Variants in ART3 observed in about 807,000 individuals in gnomAD.
ART3 encodes the protein ADP-ribosyltransferase 3 (inactive).
Under a neutral mutation model 48.5 loss-of-function variants are expected in ART3, and 49 were observed. The ratio of observed to expected loss-of-function variants is 1.01; its 90% CI spans 0.80 to 1.28. ART3 has a LOEUF of 1.28. Among genes scored for constraint, ART3 ranks in the 50% most tolerant of loss-of-function variants. The pLI is 0.00. For missense variants in ART3, 438 were observed against 454.3 expected (o/e 0.96, Z 0.33); for synonymous variants, 145 against 157.2 (o/e 0.92, Z 0.58).
intron 1 of ART3, among the ~76,000 whole-genome samples, chr4:76,025,590 C>A (rs555132817): frequency 7.2e-5 from 11 of 152,246 alleles, no homozygotes; most frequent in African/African-American, 2.6e-4. Context: ...AGCCACTCTT[C>A]TATTTTTTTC....
intron 2 of ART3, among the ~76,000 whole-genome samples, chr4:76,076,487 C>T (rs1721108967): frequency 6.6e-6 from 1 of 152,120 alleles, no homozygotes; most frequent in South Asian, 2.1e-4. Flanking sequence ...AAAGATTATT[C>T]ATAATTCCTC....
rs138896585 is a variant in ART3, at chr4:76,058,373, T to C, written c.-9-17508T>C. ...AATTGCTTGAGTTTGGTCTGATTAG[T>C]GTACCTAATGTAGAGACTGAGCTTC... On this transcript the variant is annotated intron_variant, in intron 1 of 9. Transcript: ENST00000341029. Among the ~76,000 whole-genome samples the C allele has an allele frequency of 1.7e-3, 252 of 152,320 alleles. 2 individuals carry two copies. Among genetic ancestry groups the C allele is most frequent in the Middle Eastern group, 0.01 (3 of 294 alleles).
chr4:76,022,253 G>T, intron 1 of ART3: 1 of 854,286 alleles, frequency 1.2e-6, no homozygotes, highest in Non-Finnish European at 2.0e-6. Flanking sequence ...GGGCGTGGTG[G>T]TAACATACTT....
intron 1 of ART3, among the ~76,000 whole-genome samples, chr4:76,057,685 A>G (rs1351696165): frequency 6.6e-6 from 1 of 152,214 alleles, no homozygotes; most frequent in East Asian, 1.9e-4. Flanking sequence ...AAGCATGTCC[A>G]GTGTCACATG....
intron 1 of ART3, among the ~76,000 whole-genome samples, chr4:76,032,071 A>T (rs568515125): frequency 1.3e-5 from 2 of 152,310 alleles, no homozygotes; most frequent in South Asian, 2.1e-4. Context: ...TCTTGGCTCA[A>T]ATATGTTAAT....
At chr4:76,035,433 C>A in intron 1 of ART3, 1 of 1,324,696 alleles carries the variant, frequency 7.5e-7, no homozygotes, top group Non-Finnish European at 1.0e-6. Context: ...GCAGAATTTT[C>A]ATTAAGGGTA....
rs143563196 is a variant in ART3, at chr4:76,022,573, T to C, written c.-10+11253T>C. 17 of 1,474,950 alleles carry C rather than the reference T, an allele frequency of 1.2e-5. No homozygotes were observed. In the African/African-American group the frequency reaches 1.7e-4, roughly 15 times the overall value. 91.4% of individuals were successfully genotyped at this position (1,474,950 alleles called of 1,614,324 possible). A position where few individuals can be genotyped will look rare whatever the true frequency, so the allele number is the denominator to read the frequency against. On this transcript the variant is annotated intron_variant, in intron 1 of 9. Transcript: ENST00000341029. ...TCACTCTGCATGTTTTTGTTTGCTG[T>C]ACATTAGTTTTAGAATCATCACAAA...
At chr4:76,086,012 C>T (rs1187785799) in intron 3 of ART3, among the ~76,000 whole-genome samples, 3 of 151,934 alleles carry the variant, frequency 2.0e-5, no homozygotes, top group African/African-American at 7.3e-5. Flanking sequence ...GAGGAGGTTG[C>T]AGTGAGCTGA....
At chr4:76,022,191 T>C (rs971331557) in intron 1 of ART3, among the ~76,000 whole-genome samples, 5 of 152,200 alleles carry the variant, frequency 3.3e-5, no homozygotes, top group African/African-American at 1.2e-4. Flanking sequence ...TAACTTCTGA[T>C]ACTTATCACA....
intron 2 of ART3, among the ~76,000 whole-genome samples, chr4:76,080,076 C>T (rs1054585684): frequency 6.6e-6 from 1 of 152,088 alleles, no homozygotes; most frequent in Non-Finnish European, 1.5e-5. Flanking sequence ...TGCAACTATG[C>T]ACCATACAAG....
intron 1 of ART3, among the ~76,000 whole-genome samples, chr4:76,014,254 G>C (rs1405863518): frequency 6.6e-6 from 1 of 151,990 alleles, no homozygotes; most frequent in East Asian, 1.9e-4. Flanking sequence ...TATTAAATCA[G>C]CTGTCTTAAA....
At chr4:76,049,625 C>A (rs548019560) in intron 1 of ART3, among the ~76,000 whole-genome samples, 1 of 121,092 alleles carries the variant, frequency 8.3e-6, no homozygotes, top group Admixed American at 9.6e-5. Context: ...CCGACAGGTG[C>A]CCGGTATTTA....
At chr4:76,028,844 G>A (rs4859414) in intron 1 of ART3, among the ~76,000 whole-genome samples, 93,002 of 152,046 alleles carry the variant, frequency 0.61, 29,519 homozygotes, top group East Asian at 0.94. Flanking sequence ...GGCATTGGAG[G>A]AGGCAGAGGC....
intron 1 of ART3, among the ~76,000 whole-genome samples, chr4:76,040,412 T>C (rs979720012): frequency 2.0e-5 from 3 of 147,094 alleles, no homozygotes; most frequent in Non-Finnish European, 4.5e-5. Flanking sequence ...TTCTTCCCTC[T>C]GGATGGATAC....
intron 3 of ART3, among the ~76,000 whole-genome samples, chr4:76,092,038 A>G (rs4859614): frequency 0.27 from 41,764 of 152,040 alleles, 6,831 homozygotes; most frequent in East Asian, 0.71. Context: ...AATAAACCTC[A>G]AAACCAGGTA....
At chr4:76,073,435 T>C (rs904708893), upstream of ART3, among the ~76,000 whole-genome samples, 5 of 152,352 alleles carry the variant, frequency 3.3e-5, no homozygotes, top group African/African-American at 1.2e-4. Context: ...TGCTGTGTAT[T>C]TAATCTTGGA....
intron 6 of ART3, 152 bp from the exon 7 acceptor site, chr4:76,100,643 A>AG: frequency 1.0e-6 from 1 of 960,278 alleles, no homozygotes; most frequent in Admixed American, 2.6e-5. Context: ...AAAAAAAAAA[A>AG]AAAAATTCTG....
intron 1 of ART3, among the ~76,000 whole-genome samples, chr4:76,033,411 C>A (rs1199878641): frequency 6.6e-6 from 1 of 152,062 alleles, no homozygotes; most frequent in Non-Finnish European, 1.5e-5. Context: ...ATGGCTGAGT[C>A]CTTGTTGTGG....
At position 76,097,631 on chromosome 4, in the gene ART3, C is replaced by G; in HGVS notation, c.782-13C>G. 6.2e-7 allele frequency: 1 copy of G among 1,601,420 alleles called. No individual in the cohort carries two copies. Among genetic ancestry groups the G allele is most frequent in the African/African-American group, 1.3e-5 (1 of 74,750 alleles). On this transcript the variant is annotated splice_polypyrimidine_tract_variant and intron_variant, in intron 3 of 11. Transcript: ENST00000355810. ...TTATGTCTAACTAATAAAGCTTTAT[C>G]TTTGTGTTTCAGGACTAAAAACCGA...
Sources: allele counts gnomAD v4.1 joint callset (sites outside exome capture counted in the v4.1 genomes callset), GRCh38; gene constraint gnomAD v4.1.1; transcripts MANE v1.5; gene names NCBI Gene and HGNC (gene_info 2026-07-23, HGNC 2026-07-21).